Variants in LMO2 observed in about 807,000 individuals in gnomAD.
The protein encoded by LMO2 is rhombotin-2.
LMO2 carries 20 observed loss-of-function variants against 23.2 expected under a neutral mutation model. The ratio of observed to expected loss-of-function variants is 0.86; its 90% confidence interval spans 0.61 to 1.25. The LOEUF (loss-of-function observed/expected upper bound fraction) is 1.25, where lower values mean the gene tolerates loss of function less well. Among genes scored for constraint, LMO2 ranks in the 50% most tolerant of loss-of-function variants. The pLI, the probability that LMO2 is intolerant of heterozygous loss-of-function variation, is 0.00. For missense variants in LMO2, 270 were observed against 315.3 expected (o/e 0.86, Z 1.09); for synonymous variants, 123 against 130.2 (o/e 0.94, Z 0.38).
chr11:33,888,814 C>T (rs114890172), intron 1 of LMO2, among the ~76,000 whole-genome samples: 2,386 of 152,334 alleles, frequency 0.016, 61 homozygotes, highest in African/African-American at 0.054. Context: ...TACGTATCCG[C>T]AGTGCCTAGA....
chr11:33,865,535 T>C (rs900036505), intron 4 of LMO2, among the ~76,000 whole-genome samples: 8 of 152,238 alleles, frequency 5.3e-5, no homozygotes, highest in African/African-American at 1.2e-4. Flanking sequence ...CGTAAGGCCA[T>C]TGTTACACGA....
At position 33,859,528 on chromosome 11, in the gene LMO2, C is replaced by A; in HGVS notation, c.512G>T (p.Arg171Leu). 2 of 1,614,070 alleles carry A rather than the reference C, an allele frequency of 1.2e-6. No homozygotes were observed. The highest frequency in any genetic ancestry group is 1.7e-6 in the Non-Finnish European group (2 of 1,180,036). ...CACCCGCATTGTCATCTCATAGGCACGAATCCGCTTGTCACAGGATGCGCA... is the reference window on the plus strand; with the variant it reads ...CACCCGCATTGTCATCTCATAGGCAAGAATCCGCTTGTCACAGGATGCGCA... The part of the protein sequence containing the change: ...GLCASCDKRI[R>L]AYEMTMRVKD... Residue 171 changes from arginine (R) to leucine (L), a missense_variant, in exon 6 of 6, where the codon CGT (arginine) becomes CTT (leucine). By Grantham distance (102) the Arg-to-Leu change is moderately radical. Transcript: ENST00000257818.
intron 1 of LMO2, among the ~76,000 whole-genome samples, chr11:33,890,347 TTTTTTG>T (rs938047357): frequency 1.3e-5 from 2 of 152,118 alleles, no homozygotes; most frequent in African/African-American, 2.4e-5. Context: ...TTATGTAAGT[TTTTTTG>T]TTTTTGTTTT....
Position 33,870,006 on chromosome 11 carries a change from C to G in LMO2, c.-271-19G>C, listed in dbSNP as rs1186019846. ...CTTTTTCCTGATCACGATTCAAATACAATAGAAGGAAATCACATTTAAAGA... is the reference window on the plus strand; with the variant it reads ...CTTTTTCCTGATCACGATTCAAATAGAATAGAAGGAAATCACATTTAAAGA... On this transcript the variant is annotated intron_variant, in intron 2 of 5. Transcript: ENST00000257818. 3.3e-5 allele frequency: 32 copies of G among 970,746 alleles called. No individual in the cohort carries two copies. The highest frequency in any genetic ancestry group is 4.0e-5 in the Non-Finnish European group (32 of 807,056). 60.1% of individuals were successfully genotyped at this position (970,746 alleles called of 1,614,324 possible).
intron 5 of LMO2, among the ~76,000 whole-genome samples, chr11:33,861,250 T>A (rs1402015262): frequency 6.6e-6 from 1 of 152,222 alleles, no homozygotes; most frequent in African/African-American, 2.4e-5. Context: ...CATAAAACCT[T>A]TAGGACAGTT....
rs2051435733 is a variant in LMO2 at position 33,869,854 on chromosome 11, C to G, written c.-138G>C. ...GGCCCGGGTCGCGGCGCGCTGCTCG[C>G]CGCCGAGGGCAGAGAGGGGGCGGCG... On this transcript the variant is annotated 5_prime_UTR_variant, in exon 3 of 6. Transcript: ENST00000257818. The G allele has an allele frequency of 2.1e-5, 22 of 1,058,266 alleles. No homozygotes were observed. In the South Asian group the frequency reaches 8.6e-4, roughly 41 times the overall value. 65.6% of individuals were successfully genotyped at this position (1,058,266 alleles called of 1,614,324 possible).
chr11:33,865,065 C>G, intron 4 of LMO2: 1 of 558,786 alleles, frequency 1.8e-6, no homozygotes, highest in Non-Finnish European at 3.3e-6. Flanking sequence ...CAAGAGGCAT[C>G]AAAGGCAATT....
intron 2 of LMO2, among the ~76,000 whole-genome samples, chr11:33,872,262 G>A (rs552561173): frequency 1.3e-5 from 2 of 152,310 alleles, no homozygotes; most frequent in African/African-American, 4.8e-5. Context: ...TTGCACTCCA[G>A]CCTGGGTGAC....
In LMO2 at chr11:33,880,373, A is replaced by G. The variant is rs571952281; in HGVS notation, c.-272+1451T>C. On this transcript the variant is annotated intron_variant, in intron 2 of 5. Transcript: ENST00000257818. This position sits in a 1 kb window ranked among gnomAD's most constrained non-coding sequence, Gnocchi z 4.3. ...GAGAAAGGAAATTCTGACATAAGCT[A>G]CAACATGAAAGAAATTTGAAGACAT... 6.6e-6 allele frequency among the ~76,000 whole-genome samples: 1 copy of G among 151,826 alleles called. No individual in the cohort carries two copies. Among genetic ancestry groups the G allele is most frequent in the Non-Finnish European group, 1.5e-5 (1 of 67,966 alleles).
At chr11:33,875,342 C>T (rs527457783) in intron 2 of LMO2, among the ~76,000 whole-genome samples, 9 of 152,182 alleles carry the variant, frequency 5.9e-5, no homozygotes, top group Non-Finnish European at 1.3e-4. Flanking sequence ...CTTTCGGAGG[C>T]TGAGGTGGGT....
chr11:33,880,249 CAT>C lies in LMO2; in HGVS notation c.-272+1573_-272+1574del, dbSNP rs1249251200. 6.9e-6 allele frequency among the ~76,000 whole-genome samples: 1 copy of C among 145,326 alleles called. No homozygotes were observed. Among genetic ancestry groups the C allele is most frequent in the Non-Finnish European group, 1.5e-5 (1 of 67,148 alleles). On this transcript the variant is annotated intron_variant, in intron 2 of 5. Transcript: ENST00000257818. The surrounding 1 kb of genome is among the most constrained non-coding windows in gnomAD (Gnocchi z 4.3). ...ACATGATATATATATCATATATACA[CAT>C]GATATATATATCATACATACACATG...
At chr11:33,883,005 A>C (rs1372393544) in intron 1 of LMO2, among the ~76,000 whole-genome samples, 1 of 152,220 alleles carries the variant, frequency 6.6e-6, no homozygotes, top group Non-Finnish European at 1.5e-5. Flanking sequence ...TTCCCTGGAT[A>C]CCTGATCTAA....
At chr11:33,890,785 T>C (rs770554555) in intron 1 of LMO2, among the ~76,000 whole-genome samples, 4 of 152,212 alleles carry the variant, frequency 2.6e-5, no homozygotes, top group Non-Finnish European at 4.4e-5. Context: ...TTCCATGATT[T>C]ATTTCTATTA....
Position 33,880,228 on chromosome 11 carries a change from G to GATAT in LMO2, c.-272+1592_-272+1595dup, listed in dbSNP as rs767893617. Among the ~76,000 whole-genome samples the GATAT allele has an allele frequency of 1.4e-5, 2 of 138,888 alleles. No homozygotes were observed. Among genetic ancestry groups the GATAT allele is most frequent in the Non-Finnish European group, 3.0e-5 (2 of 65,630 alleles). 91.1% of individuals were successfully genotyped at this position (138,888 alleles called of 152,430 possible). ...TGATATATATATCATATATACACATGATATATATATCATATATACACATGA... is the reference window on the plus strand; with the variant it reads ...TGATATATATATCATATATACACATGATATATATATATATCATATATACACATGA... On this transcript the variant is annotated intron_variant, in intron 2 of 5. Transcript: ENST00000257818. This position sits in a 1 kb window ranked among gnomAD's most constrained non-coding sequence, Gnocchi z 4.3.
Position 33,870,710 on chromosome 11 carries a change from G to A in LMO2, c.-271-723C>T, listed in dbSNP as rs1485982809. ...GAAAGCGGACTCCTGCGGTTAAACTGCCCCCCATGTAAAGTGCCAGTAGTA... is the reference window on the plus strand; with the variant it reads ...GAAAGCGGACTCCTGCGGTTAAACTACCCCCCATGTAAAGTGCCAGTAGTA... On this transcript the variant is annotated intron_variant, in intron 2 of 5. Coordinates refer to ENST00000257818, the MANE Select transcript of LMO2 (RefSeq NM_005574.4). 2.6e-5 allele frequency among the ~76,000 whole-genome samples: 4 copies of A among 152,168 alleles called. No homozygotes were observed. The South Asian group carries it at 6.2e-4, about 24-fold the overall frequency.
chr11:33,866,991 C>CTCTG (rs1327103372), intron 4 of LMO2, among the ~76,000 whole-genome samples: 2 of 152,194 alleles, frequency 1.3e-5, no homozygotes, highest in African/African-American at 4.8e-5. Context: ...CATGGTCTTA[C>CTCTG]TCTGGGCTTT....
At chr11:33,881,465 A>G (rs1340126663) in intron 2 of LMO2, 2 of 448,718 alleles carry the variant, frequency 4.5e-6, no homozygotes, top group Non-Finnish European at 9.0e-6. Flanking sequence ...GGGTCAAGCA[A>G]TTGTGACTTG....
intron 2 of LMO2, chr11:33,881,593 A>G (rs1374666730): frequency 8.4e-6 from 3 of 356,854 alleles, no homozygotes; most frequent in Middle Eastern, 6.4e-4. Context: ...ATTATTATAC[A>G]CACTGTCTCT....
intron 2 of LMO2, 68 bp from the exon 3 acceptor site, chr11:33,870,055 T>G: frequency 9.3e-5 from 41 of 442,520 alleles, no homozygotes; most frequent in Non-Finnish European, 1.1e-4. Flanking sequence ...TCCCCCCACC[T>G]CCCCTTTTTT....
Sources: gnomAD v4.1 joint callset for allele counts (sites outside exome capture counted in the v4.1 genomes callset) on GRCh38, gnomAD v4.1.1 for gene constraint, Gnocchi (gnomAD v3.1) non-coding constraint, MANE v1.5 for transcripts, NCBI Gene and HGNC (gene_info 2026-07-23, HGNC 2026-07-21) for gene names.